FBXW10B: variants seen among roughly 807,000 people sequenced by gnomAD.
FBXW10B encodes the protein F-box and WD repeat domain containing 10B, also known as F-box and WD repeat domain containing protein 10B.
At chr17:15,572,015 T>C in the FBXW10B span, 1 of 151,878 alleles carries the variant, frequency 6.6e-6, no homozygotes, top group African/African-American at 2.4e-5. Flanking sequence ...CAGAGGGGCA[T>C]AAGAAACTTT....
the FBXW10B span, chr17:15,605,509 A>G: frequency 7.7e-7 from 1 of 1,291,744 alleles, no homozygotes; most frequent in South Asian, 1.6e-5. Context: ...TTTTGCCTAC[A>G]GCAGTGGTGT....
At chr17:15,612,749 G>T in the FBXW10B span, 1 of 1,613,730 alleles carries the variant, frequency 6.2e-7, no homozygotes, top group Non-Finnish European at 8.5e-7. Context: ...TGCTCTTCCC[G>T]TCATCTACCA....
the FBXW10B span, among the ~76,000 whole-genome samples, chr17:15,599,944 C>T: frequency 6.6e-6 from 1 of 152,108 alleles, no homozygotes; most frequent in East Asian, 1.9e-4. Context: ...CAGCCGGGCA[C>T]GGTGGCTCAC....
the FBXW10B span, chr17:15,574,099 C>G: frequency 2.7e-6 from 2 of 731,880 alleles, no homozygotes; most frequent in East Asian, 2.5e-5. Flanking sequence ...CGTCACTGTT[C>G]TAGAGGCTTC....
chr17:15,589,845 T>C, the FBXW10B span, among the ~76,000 whole-genome samples: 3 of 152,148 alleles, frequency 2.0e-5, no homozygotes, highest in Non-Finnish European at 2.9e-5. Flanking sequence ...AAACTTTTCA[T>C]AAAAGCTCTT....
the FBXW10B span, among the ~76,000 whole-genome samples, chr17:15,602,007 G>T: frequency 6.6e-6 from 1 of 151,878 alleles, no homozygotes; most frequent in African/African-American, 2.4e-5. Context: ...AGCTACTCGG[G>T]AGGCTGAGGC....
the FBXW10B span, among the ~76,000 whole-genome samples, chr17:15,601,278 G>A: frequency 2.1e-5 from 3 of 144,152 alleles, no homozygotes; most frequent in South Asian, 2.2e-4. Context: ...GCGTGGTGGT[G>A]GGCGCCTGTA....
the FBXW10B span, among the ~76,000 whole-genome samples, chr17:15,569,890 G>C: frequency 2.0e-5 from 3 of 152,146 alleles, no homozygotes; most frequent in East Asian, 1.9e-4. Context: ...CAAAAAATGT[G>C]ATGTCATTTG....
the FBXW10B span, among the ~76,000 whole-genome samples, chr17:15,601,394 G>A: frequency 1.6e-5 from 2 of 122,924 alleles, no homozygotes; most frequent in Non-Finnish European, 1.6e-5. Flanking sequence ...GGGCGACAGA[G>A]CAAGACTCCG....
the FBXW10B span, among the ~76,000 whole-genome samples, chr17:15,610,659 G>A: frequency 6.6e-6 from 1 of 152,118 alleles, no homozygotes; most frequent in Admixed American, 6.6e-5. Flanking sequence ...TGAAATTCAT[G>A]AGACTAGAAA....
the FBXW10B span, chr17:15,594,616 A>C: frequency 4.4e-5 from 43 of 971,196 alleles, no homozygotes; most frequent in Non-Finnish European, 5.9e-5. Context: ...AAGAGGAGGG[A>C]AGCAGAGAGG....
At chr17:15,569,455 C>CTTTTTTTTTTT in the FBXW10B span, among the ~76,000 whole-genome samples, 46 of 59,188 alleles carry the variant, frequency 7.8e-4, 1 homozygote, top group African/African-American at 1.7e-3. Flanking sequence ...TTTTCTTTTT[C>CTTTTTTTTTTT]TTTTTTTTTT....
At chr17:15,603,968 T>G in the FBXW10B span, among the ~76,000 whole-genome samples, 140 of 140,266 alleles carry the variant, frequency 1.0e-3, 7 homozygotes, top group Non-Finnish European at 1.9e-3. Flanking sequence ...CAGTCTCAGC[T>G]ACTTGGGAGG....
the FBXW10B span, among the ~76,000 whole-genome samples, chr17:15,614,455 A>G: frequency 1.3e-5 from 2 of 152,026 alleles, no homozygotes; most frequent in Non-Finnish European, 2.9e-5. Flanking sequence ...CAGCCTGCCA[A>G]AGTGCTGGGA....
chr17:15,589,788 CA>C, the FBXW10B span, among the ~76,000 whole-genome samples: 3 of 151,754 alleles, frequency 2.0e-5, no homozygotes, highest in Non-Finnish European at 4.4e-5. Context: ...CATGAGAGAT[CA>C]AAAGGCAGTT....
the FBXW10B span, among the ~76,000 whole-genome samples, chr17:15,588,061 C>A: frequency 6.6e-6 from 1 of 152,186 alleles, no homozygotes; most frequent in Non-Finnish European, 1.5e-5. Flanking sequence ...ACAAAGTCTA[C>A]TTTTAGAAGT....
At chr17:15,569,612 G>A in the FBXW10B span, among the ~76,000 whole-genome samples, 1 of 151,146 alleles carries the variant, frequency 6.6e-6, no homozygotes, top group South Asian at 2.1e-4. Flanking sequence ...GGTGCCAGTC[G>A]CTGGGCCTAG....
chr17:15,612,654 G>A, the FBXW10B span: 3 of 1,612,896 alleles, frequency 1.9e-6, no homozygotes, highest in Non-Finnish European at 2.5e-6. Flanking sequence ...ATGGCAATTA[G>A]AATGAGACGC....
At chr17:15,596,094 G>T in the FBXW10B span, among the ~76,000 whole-genome samples, 1 of 151,798 alleles carries the variant, frequency 6.6e-6, no homozygotes. Context: ...CACTATGTTC[G>T]TCAGGCTGGT....
Sources: allele counts gnomAD v4.1 joint callset (sites outside exome capture counted in the v4.1 genomes callset), GRCh38; gene constraint gnomAD v4.1.1; transcripts MANE v1.5; gene names NCBI Gene and HGNC (gene_info 2026-07-23, HGNC 2026-07-21).